Variants in CCDC9 observed in about 807,000 individuals in gnomAD.
The protein encoded by CCDC9 is coiled-coil domain containing 9.
In CCDC9, 52 loss-of-function variants were observed where a neutral mutation model predicts 65.6. The observed-to-expected ratio is 0.79, with a 90% confidence interval of 0.63 to 1.00. CCDC9 has a LOEUF of 1.00. Ranked by LOEUF, CCDC9 falls within the 50% of genes least tolerant of loss-of-function variation. CCDC9 has a pLI of 0.00. For missense variants in CCDC9, 834 were observed against 757.2 expected (o/e 1.10, Z -1.19); for synonymous variants, 332 against 280.3 (o/e 1.18, Z -1.84).
At chr19:47,264,173 G>A (rs2059064521) in intron 5 of CCDC9, among the ~76,000 whole-genome samples, 1 of 152,152 alleles carries the variant, frequency 6.6e-6, no homozygotes, top group Non-Finnish European at 1.5e-5. Flanking sequence ...GAGCCACCGC[G>A]CCCGGCCACT....
chr19:47,265,989 T>TC (rs1269514973), intron 7 of CCDC9, among the ~76,000 whole-genome samples: 827 of 76,860 alleles, frequency 0.011, 28 homozygotes, highest in African/African-American at 0.04. Flanking sequence ...CCTGGCTTTT[T>TC]TTTTTTTTTT....
chr19:47,265,780 C>T (rs574080056), intron 7 of CCDC9, among the ~76,000 whole-genome samples: 23 of 148,640 alleles, frequency 1.5e-4, no homozygotes, highest in South Asian at 1.3e-3. Context: ...CTCCGACTCC[C>T]GGGTTCACAC....
chr19:47,274,024 G>GTCCC, downstream of CCDC9: 7 of 976,424 alleles, frequency 7.2e-6, no homozygotes, highest in Non-Finnish European at 8.5e-6. Flanking sequence ...CCGCCTTGAT[G>GTCCC]GGGAGGGGGC....
intron 3 of CCDC9, among the ~76,000 whole-genome samples, chr19:47,259,513 C>G (rs2059031410): frequency 6.6e-6 from 1 of 152,010 alleles, no homozygotes; most frequent in Non-Finnish European, 1.5e-5. Context: ...GACTCAGTTA[C>G]TGATGGGCAG....
chr19:47,258,537 C>T, intron 2 of CCDC9, 22 bp from the exon 3 acceptor site: 1 of 1,610,106 alleles, frequency 6.2e-7, no homozygotes, highest in Admixed American at 1.7e-5. Flanking sequence ...CCTTCCATCC[C>T]TCAACTGCCT....
In CCDC9 at chr19:47,258,622, G is replaced by C; in HGVS notation, c.67G>C (p.Ala23Pro). 6.2e-7 allele frequency: 1 copy of C among 1,614,134 alleles called. No homozygotes were observed. The highest frequency in any genetic ancestry group is 8.5e-7 in the Non-Finnish European group (1 of 1,179,992). ...TGCTGAGTTGGACAAGAGGATCGAG[G>C]CTCTTCGGCGGAAGAATGAGGCCCT... ...KDAELDKRIE[A>P]LRRKNEALIR... Residue 23 changes from alanine (A) to proline (P), a missense_variant, in exon 3 of 12, where the codon GCT becomes CCT. Physicochemically the swap from Ala to Pro is conservative, Grantham distance 27 (BLOSUM62 -1). Transcript: ENST00000221922.
At chr19:47,272,232 C>A, downstream of CCDC9, 4 of 1,018,366 alleles carry the variant, frequency 3.9e-6, no homozygotes, top group Non-Finnish European at 5.0e-6. Flanking sequence ...GGGCAGAGGG[C>A]TTGGGGGGAG....
At chr19:47,261,344 C>T (rs2059044568) in intron 5 of CCDC9, among the ~76,000 whole-genome samples, 1 of 152,090 alleles carries the variant, frequency 6.6e-6, no homozygotes, top group African/African-American at 2.4e-5. Flanking sequence ...TTCTCTTGGT[C>T]CCCGGCTTTG....
At chr19:47,275,490 G>T, downstream of CCDC9, 1 of 1,221,312 alleles carries the variant, frequency 8.2e-7, no homozygotes, top group South Asian at 1.6e-5. Flanking sequence ...CGCGGAATGG[G>T]GGCCCAGGGG....
intron 5 of CCDC9, among the ~76,000 whole-genome samples, chr19:47,262,373 C>T (rs2059051864): frequency 6.6e-6 from 1 of 152,076 alleles, no homozygotes; most frequent in African/African-American, 2.4e-5. Context: ...TGCACCACCA[C>T]ACCCGGCTAG....
chr19:47,275,403 G>T (rs1445960263), downstream of CCDC9: 187 of 1,509,236 alleles, frequency 1.2e-4, no homozygotes, highest in Non-Finnish European at 1.6e-4. Context: ...TGTGCTCCAC[G>T]CCGAGGATGC....
At chr19:47,269,452 C>T (rs2059102005) in intron 8 of CCDC9, among the ~76,000 whole-genome samples, 1 of 151,718 alleles carries the variant, frequency 6.6e-6, no homozygotes, top group South Asian at 2.1e-4. Flanking sequence ...CTCCTGGGTT[C>T]AAATAATTCT....
At chr19:47,266,297 A>C in intron 7 of CCDC9, 1 of 312,700 alleles carries the variant, frequency 3.2e-6, no homozygotes. Context: ...GCCCGGCGGG[A>C]GAAGAGTTTG....
rs1175611169 is a variant in CCDC9 at position 47,258,361 on chromosome 19, G to A, written c.-40G>A. The stretch of plus-strand genomic sequence containing the variant: ...TCAGTGCTGCGTCTAGATTCTGCAG[G>A]GGAGGTTTGCTGGGACCTTGGCTCC... On this transcript the variant is annotated 5_prime_UTR_variant, in exon 2 of 12. Coordinates refer to ENST00000221922, the MANE Select transcript of CCDC9 (RefSeq NM_015603.3). 6.2e-7 allele frequency: 1 copy of A among 1,612,702 alleles called. No individual in the cohort carries two copies. The highest frequency in any genetic ancestry group is 8.5e-7 in the Non-Finnish European group (1 of 1,178,734).
intron 5 of CCDC9, among the ~76,000 whole-genome samples, chr19:47,263,529 G>A (rs2059059590): frequency 6.6e-6 from 1 of 152,012 alleles, no homozygotes; most frequent in African/African-American, 2.4e-5. Context: ...ATTGGGGGCT[G>A]GTTTATTTTT....
Position 47,271,641 on chromosome 19 carries a change from T to A in CCDC9, c.1559T>A (p.Leu520His). The A allele has an allele frequency of 6.2e-7, 1 of 1,604,228 alleles. No individual in the cohort carries two copies. The highest frequency in any genetic ancestry group is 8.5e-7 in the Non-Finnish European group (1 of 1,174,944). Residue 520 changes from leucine (L) to histidine (H), a missense_variant, in exon 12 of 12, where the codon CTC becomes CAC. Leu to His is a moderately conservative substitution (Grantham distance 99). Coordinates refer to ENST00000221922, the MANE Select transcript of CCDC9 (RefSeq NM_015603.3). ...CGGACCACTCACCTGGCTGGCGCCC[T>A]CTCCCCGGGTGAGGCCTGGCCTTTT... ...SPRTTHLAGALSPGEAWPFES... is the reference protein window; with the variant it reads ...SPRTTHLAGAHSPGEAWPFES...
chr19:47,264,208 G>T (rs2059064799), intron 5 of CCDC9, among the ~76,000 whole-genome samples: 1 of 152,208 alleles, frequency 6.6e-6, no homozygotes, highest in Admixed American at 6.5e-5. Flanking sequence ...TAGAGACAGG[G>T]TCTTGCTATG....
intron 8 of CCDC9, among the ~76,000 whole-genome samples, chr19:47,267,026 G>C (rs924845530): frequency 6.6e-6 from 1 of 150,872 alleles, no homozygotes; most frequent in Admixed American, 6.6e-5. Context: ...GTGCAGTGGC[G>C]TGATCTCGGC....
rs1186993777 is a variant in CCDC9, at chr19:47,258,183, G to A, written c.-71-147G>A. 6.7e-6 allele frequency: 4 copies of A among 599,016 alleles called. No individual in the cohort carries two copies. The African/African-American group carries it at 7.4e-5, about 11-fold the overall frequency. 37.1% of individuals were successfully genotyped at this position (599,016 alleles called of 1,614,324 possible). On this transcript the variant is annotated intron_variant, in intron 1 of 11. Transcript: ENST00000221922. ...AATTTCTATGGAGAAGATGGAGGTGGCAGTTGAAAGGAGGGAGAGTGAGGG... is the reference window on the plus strand; with the variant it reads ...AATTTCTATGGAGAAGATGGAGGTGACAGTTGAAAGGAGGGAGAGTGAGGG...
Sources: gnomAD v4.1 joint callset for allele counts (sites outside exome capture counted in the v4.1 genomes callset) on GRCh38, gnomAD v4.1.1 for gene constraint, MANE v1.5 for transcripts, NCBI Gene and HGNC (gene_info 2026-07-23, HGNC 2026-07-21) for gene names.